The following POU6F2 variants were observed in gnomAD, a reference collection of about 807,000 sequenced individuals.
POU6F2 encodes the protein POU domain, class 6, transcription factor 2.
Under a neutral mutation model 71.3 loss-of-function variants are expected in POU6F2, and 31 were observed. The ratio of observed to expected loss-of-function variants is 0.43; its 90% CI spans 0.33 to 0.59. POU6F2 has a LOEUF of 0.59. POU6F2 is among the 20% of genes least tolerant of loss of function. The probability of loss-of-function intolerance (pLI) is 0.04; values close to 1 mark genes in which losing one functional copy is unlikely to be tolerated. For missense variants in POU6F2, 783 were observed against 856.8 expected (o/e 0.91, Z 1.07); for synonymous variants, 347 against 355.7 (o/e 0.98, Z 0.27).
At chr7:39,024,640 G>A (rs1468899251) in intron 1 of POU6F2, among the ~76,000 whole-genome samples, 1 of 152,106 alleles carries the variant, frequency 6.6e-6, no homozygotes, top group Admixed American at 6.5e-5. Context: ...TTGGCTGTGG[G>A]TTTGTCATAG....
At chr7:39,280,354 G>A (rs1439311990) in intron 4 of POU6F2, among the ~76,000 whole-genome samples, 2 of 152,178 alleles carry the variant, frequency 1.3e-5, no homozygotes, top group Admixed American at 6.5e-5. Context: ...TTCAACCAAG[G>A]AAACACAGTC....
rs971523567 is a variant in POU6F2, at chr7:39,187,279, C to A, written c.278-16956C>A. Among the ~76,000 whole-genome samples, 7 of 152,320 alleles carry A rather than the reference C, an allele frequency of 4.6e-5. No individual in the cohort carries two copies. The East Asian group carries it at 9.6e-4, about 21-fold the overall frequency. Reference sequence around the variant, plus strand: ...CCTCGTCCTAAGGCTCTTGCTAGATCCCTGCCTGGGGCTGGTGCTTAACCA... The same window carrying A: ...CCTCGTCCTAAGGCTCTTGCTAGATACCTGCCTGGGGCTGGTGCTTAACCA... On this transcript the variant is annotated intron_variant, in intron 2 of 9. Transcript: ENST00000518318.
chr7:39,439,964 A>T (rs1368572871), intron 7 of POU6F2, among the ~76,000 whole-genome samples: 1 of 152,318 alleles, frequency 6.6e-6, no homozygotes, highest in East Asian at 1.9e-4. Flanking sequence ...TGGATATGAA[A>T]TTCTAGATTG....
chr7:39,013,732 A>G (rs1047478019), intron 1 of POU6F2, among the ~76,000 whole-genome samples: 7 of 152,192 alleles, frequency 4.6e-5, no homozygotes, highest in Non-Finnish European at 2.9e-5. Context: ...CTTCCTTTCT[A>G]TTAACGGCAT....
intron 2 of POU6F2, among the ~76,000 whole-genome samples, chr7:39,196,272 C>G (rs1021427774): frequency 1.3e-5 from 2 of 152,080 alleles, no homozygotes; most frequent in South Asian, 2.1e-4. Context: ...TACCTTGTCT[C>G]TCTATTATCA....
intron 2 of POU6F2, among the ~76,000 whole-genome samples, chr7:39,202,822 C>G (rs1460161967): frequency 1.3e-5 from 2 of 152,194 alleles, no homozygotes; most frequent in African/African-American, 2.4e-5. Flanking sequence ...TGTCAGAATT[C>G]ACTTTATAAA....
At chr7:39,432,039 G>A (rs1788113203) in intron 6 of POU6F2, among the ~76,000 whole-genome samples, 1 of 152,224 alleles carries the variant, frequency 6.6e-6, no homozygotes, top group South Asian at 2.1e-4. Context: ...TAGAGATCAT[G>A]TTTTAGGTTT....
At chr7:39,116,174 C>G (rs529837479) in intron 2 of POU6F2, among the ~76,000 whole-genome samples, 1 of 152,104 alleles carries the variant, frequency 6.6e-6, no homozygotes, top group Non-Finnish European at 1.5e-5. Flanking sequence ...CGCTTGAGCC[C>G]AGGAGTTCAA....
chr7:39,029,269 A>G (rs1471323260), intron 1 of POU6F2, among the ~76,000 whole-genome samples: 2 of 152,044 alleles, frequency 1.3e-5, no homozygotes, highest in African/African-American at 4.8e-5. Context: ...TTTGTTTTAT[A>G]TTCTTTTGGT....
chr7:39,012,449 C>T (rs1390623158), intron 1 of POU6F2, among the ~76,000 whole-genome samples: 2 of 149,182 alleles, frequency 1.3e-5, no homozygotes, highest in African/African-American at 4.9e-5. Context: ...AAGTTTTCAA[C>T]TTCTTTGCCT....
chr7:39,198,159 G>A (rs1238601721), intron 2 of POU6F2, among the ~76,000 whole-genome samples: 3 of 152,162 alleles, frequency 2.0e-5, no homozygotes, highest in Admixed American at 6.5e-5. Context: ...TTAGATAGAT[G>A]TGAAAACAAA....
chr7:38,988,550 A>G (rs1584482233), intron 1 of POU6F2, among the ~76,000 whole-genome samples: 1 of 152,124 alleles, frequency 6.6e-6, no homozygotes, highest in East Asian at 1.9e-4. Flanking sequence ...AATGTTTAAT[A>G]CTATTTTTCA....
At chr7:39,278,793 T>C (rs967416207) in intron 4 of POU6F2, among the ~76,000 whole-genome samples, 8 of 152,290 alleles carry the variant, frequency 5.3e-5, no homozygotes, top group Non-Finnish European at 8.8e-5. Context: ...AAGTCCAGCA[T>C]GTAGCTCAGC....
intron 4 of POU6F2, among the ~76,000 whole-genome samples, chr7:39,283,960 T>G (rs138867142): frequency 7.2e-4 from 109 of 152,332 alleles, no homozygotes; most frequent in African/African-American, 2.5e-3. Flanking sequence ...CTTAAACCAT[T>G]TAAGTGATTT....
Position 39,028,829 on chromosome 7 carries a change from A to G in POU6F2, c.105+50771A>G, listed in dbSNP as rs1044131635. ...TAAATTTTTTTCTTTTTTTTGAAACAGGGTCTTACTCTGCCACCCAGGCTG... is the reference window on the plus strand; with the variant it reads ...TAAATTTTTTTCTTTTTTTTGAAACGGGGTCTTACTCTGCCACCCAGGCTG... On this transcript the variant is annotated intron_variant, in intron 1 of 9. Coordinates refer to ENST00000518318, the MANE Select transcript of POU6F2 (RefSeq NM_001370959.1). 2.1e-4 allele frequency among the ~76,000 whole-genome samples: 32 copies of G among 151,908 alleles called. 1 individual carries two copies. Among genetic ancestry groups the G allele is most frequent in the Non-Finnish European group, 4.3e-4 (29 of 67,976 alleles).
chr7:39,215,874 G>T (rs1472305190), intron 4 of POU6F2, among the ~76,000 whole-genome samples: 2 of 152,210 alleles, frequency 1.3e-5, no homozygotes, highest in East Asian at 3.8e-4. Context: ...AGGAAGGTGT[G>T]TTTCTTTGTT....
chr7:39,050,495 C>A (rs995449452), intron 1 of POU6F2, among the ~76,000 whole-genome samples: 2 of 152,144 alleles, frequency 1.3e-5, no homozygotes, highest in African/African-American at 4.8e-5. Context: ...GTACACATCA[C>A]CTCCAGTCAA....
chr7:39,326,497 A>T (rs1029285579), intron 4 of POU6F2, among the ~76,000 whole-genome samples: 1 of 152,242 alleles, frequency 6.6e-6, no homozygotes, highest in African/African-American at 2.4e-5. Context: ...CAGTCTATGG[A>T]TTCCTTGCAG....
chr7:39,076,635 C>T (rs1024802777), intron 1 of POU6F2, among the ~76,000 whole-genome samples: 26 of 152,252 alleles, frequency 1.7e-4, no homozygotes, highest in African/African-American at 1.2e-4. Flanking sequence ...ATCTGTGGAA[C>T]GCTTTCCTCA....
Sources: allele counts gnomAD v4.1 joint callset (sites outside exome capture counted in the v4.1 genomes callset), GRCh38; gene constraint gnomAD v4.1.1; transcripts MANE v1.5; gene names NCBI Gene and HGNC (gene_info 2026-07-23, HGNC 2026-07-21).